CAVIN1: variants seen among roughly 807,000 people sequenced by gnomAD.
CAVIN1 encodes caveolae-associated protein 1.
In CAVIN1, 16 loss-of-function variants were observed where a neutral mutation model predicts 24.0. The observed-to-expected ratio is 0.67, with a 90% confidence interval of 0.45 to 1.01. The LOEUF (loss-of-function observed/expected upper bound fraction) is 1.01. Ranked by LOEUF, CAVIN1 falls within the 50% of genes least tolerant of loss-of-function variation. The probability of loss-of-function intolerance (pLI) is 0.00; values close to 1 mark genes in which losing one functional copy is unlikely to be tolerated. For missense variants in CAVIN1, 510 were observed against 551.7 expected, an observed-to-expected ratio of 0.92 and a Z score of 0.76; for synonymous variants, 256 against 256.4, an observed-to-expected ratio of 1.00 and a Z score of 0.02.
At chr17:42,411,194 A>AG (rs2085474829) in intron 1 of CAVIN1, among the ~76,000 whole-genome samples, 1 of 144,748 alleles carries the variant, frequency 6.9e-6, no homozygotes, top group Non-Finnish European at 1.5e-5. Context: ...CTATGTCTCA[A>AG]AAAAAAAAAA....
chr17:42,416,338 G>A (rs926255598), intron 1 of CAVIN1, among the ~76,000 whole-genome samples: 14 of 151,288 alleles, frequency 9.3e-5, no homozygotes, highest in African/African-American at 2.4e-4. Context: ...ACTGCACTCC[G>A]GCCTGGGTGA....
At position 42,404,843 on chromosome 17, in the gene CAVIN1, G is replaced by A. The variant is rs202034806; in HGVS notation, c.1017C>T (p.Thr339=). Residue 339 remains threonine, a synonymous_variant, in exon 2 of 2, where the codon ACC becomes ACT. Transcript: ENST00000357037. ...CGTCGGCGCCCACCTCCACCATCTC[G>A]GTGGCCTTGAGCACTTCCACCTGGC... ...REGQVEVLKA[T]EMVEVGADDD... is the part of the protein sequence containing the mutation. The A allele has an allele frequency of 6.2e-7, 1 of 1,613,614 alleles. No homozygotes were observed. The highest frequency in any genetic ancestry group is 1.7e-5 in the Admixed American group (1 of 59,962).
chr17:42,418,732 T>C (rs2085527706), intron 1 of CAVIN1, among the ~76,000 whole-genome samples: 1 of 152,188 alleles, frequency 6.6e-6, no homozygotes, highest in African/African-American at 2.4e-5. Flanking sequence ...ATTGGGATGT[T>C]CCTAACACAA....
chr17:42,423,177 G>C lies in CAVIN1; in HGVS notation c.-80C>G. 2 of 1,162,036 alleles carry C rather than the reference G, an allele frequency of 1.7e-6. No individual in the cohort carries two copies. The highest frequency in any genetic ancestry group is 3.1e-5 in the South Asian group (2 of 63,866). 72.0% of individuals were successfully genotyped at this position (1,162,036 alleles called of 1,614,324 possible). On this transcript the variant is annotated 5_prime_UTR_variant, in exon 1 of 2. Transcript: ENST00000357037. The stretch of plus-strand genomic sequence containing the variant: ...ACCCGGAGAGAAGCAGGAGCGGAAG[G>C]GAGGAGAGCTAGCGGGCGAGAGCGG...
At chr17:42,419,607 G>A (rs953142769) in intron 1 of CAVIN1, among the ~76,000 whole-genome samples, 34 of 152,166 alleles carry the variant, frequency 2.2e-4, no homozygotes, top group African/African-American at 7.7e-4. Flanking sequence ...CACCTAGCCC[G>A]GCCTCTGCAT....
intron 1 of CAVIN1, among the ~76,000 whole-genome samples, chr17:42,413,565 G>GAAAAAAA (rs2085493446): frequency 3.4e-4 from 21 of 62,592 alleles, no homozygotes; most frequent in African/African-American, 1.2e-3. Context: ...TCTCAAAAAG[G>GAAAAAAA]GAAAAAAAAA....
chr17:42,420,968 T>TA (rs1369202441), intron 1 of CAVIN1, among the ~76,000 whole-genome samples: 2 of 152,244 alleles, frequency 1.3e-5, no homozygotes, highest in South Asian at 2.1e-4. Flanking sequence ...GCAGGTCTCT[T>TA]AAAAAACGTC....
At chr17:42,419,159 T>G (rs918889020) in intron 1 of CAVIN1, among the ~76,000 whole-genome samples, 3 of 152,118 alleles carry the variant, frequency 2.0e-5, no homozygotes, top group African/African-American at 7.2e-5. Context: ...ACTGTGTCAC[T>G]GCACTCCAGC....
At chr17:42,417,162 T>C (rs1039233382) in intron 1 of CAVIN1, among the ~76,000 whole-genome samples, 1 of 152,064 alleles carries the variant, frequency 6.6e-6, no homozygotes, top group African/African-American at 2.4e-5. Context: ...TCCCATAAGA[T>C]TGTAATGGAG....
At chr17:42,413,565 G>GAAAA (rs2085493446) in intron 1 of CAVIN1, among the ~76,000 whole-genome samples, 4 of 62,600 alleles carry the variant, frequency 6.4e-5, no homozygotes, top group African/African-American at 2.3e-4. Context: ...TCTCAAAAAG[G>GAAAA]GAAAAAAAAA....
At chr17:42,405,836 C>G (rs1195292678) in intron 1 of CAVIN1, among the ~76,000 whole-genome samples, 1 of 151,838 alleles carries the variant, frequency 6.6e-6, no homozygotes, top group African/African-American at 2.4e-5. Context: ...TACAGGCGCC[C>G]GCCACCACGC....
rs1174032437 is a variant in CAVIN1 at position 42,402,531 on chromosome 17, T to G, written c.*2156A>C. ...GAGGTTCCCCAAGCCCACAGAAAAC[T>G]GCATCTGCCCACAGCTCAGGCCCCT... On this transcript the variant is annotated 3_prime_UTR_variant, in exon 2 of 2. Transcript: ENST00000357037. 1 of 152,216 alleles carries G rather than the reference T, an allele frequency of 6.6e-6. No homozygotes were observed. The highest frequency in any genetic ancestry group is 2.4e-5 in the African/African-American group (1 of 41,376). 9.4% of individuals were successfully genotyped at this position (152,216 alleles called of 1,614,324 possible).
Position 42,404,081 on chromosome 17 carries a change from A to T in CAVIN1, c.*606T>A, listed in dbSNP as rs1317166370. The T allele has an allele frequency of 6.5e-6, 1 of 153,088 alleles. No individual in the cohort carries two copies. The highest frequency in any genetic ancestry group is 1.5e-5 in the Non-Finnish European group (1 of 68,704). The allele number at this position is 153,088 out of a possible 1,614,324, so 9.5% of individuals were successfully genotyped here. On this transcript the variant is annotated 3_prime_UTR_variant, in exon 2 of 2. Transcript: ENST00000357037. ...CCTTCCCAGGGCTTCTCTTGGCTCC[A>T]GCGTTCCTCTGGGACCCTCTGCAGA...
intron 1 of CAVIN1, among the ~76,000 whole-genome samples, chr17:42,420,096 GC>G (rs1181545107): frequency 6.6e-6 from 1 of 151,802 alleles, no homozygotes; most frequent in Middle Eastern, 3.2e-3. Flanking sequence ...CGCCCCCACT[GC>G]CACATCATCA....
chr17:42,418,979 C>T (rs2085529053), intron 1 of CAVIN1, among the ~76,000 whole-genome samples: 1 of 152,026 alleles, frequency 6.6e-6, no homozygotes, highest in African/African-American at 2.4e-5. Flanking sequence ...ACTGTTTGAA[C>T]CCAGGAGTTT....
Position 42,423,178 on chromosome 17 carries a change from G to A in CAVIN1, c.-81C>T. ...CCCGGAGAGAAGCAGGAGCGGAAGG[G>A]AGGAGAGCTAGCGGGCGAGAGCGGA... On this transcript the variant is annotated 5_prime_UTR_variant, in exon 1 of 2. Transcript: ENST00000357037. 8.6e-7 allele frequency: 1 copy of A among 1,157,802 alleles called. No individual in the cohort carries two copies. The highest frequency in any genetic ancestry group is 1.2e-6 in the Non-Finnish European group (1 of 829,156). 71.7% of individuals were successfully genotyped at this position (1,157,802 alleles called of 1,614,324 possible). A position where few individuals can be genotyped will look rare whatever the true frequency, so the allele number is the denominator to read the frequency against.
At chr17:42,416,939 T>C (rs899662158) in intron 1 of CAVIN1, among the ~76,000 whole-genome samples, 31 of 152,188 alleles carry the variant, frequency 2.0e-4, no homozygotes, top group African/African-American at 7.2e-4. Flanking sequence ...GTTCCAGCCC[T>C]GGTGCCCTAC....
chr17:42,418,365 G>A (rs1271284491), intron 1 of CAVIN1, among the ~76,000 whole-genome samples: 2 of 151,696 alleles, frequency 1.3e-5, no homozygotes, highest in Non-Finnish European at 2.9e-5. Context: ...CTGAGTAGCT[G>A]GGATTACAGG....
intron 1 of CAVIN1, among the ~76,000 whole-genome samples, chr17:42,420,969 A>T (rs1302479183): frequency 1.3e-5 from 2 of 152,100 alleles, no homozygotes; most frequent in South Asian, 2.1e-4. Flanking sequence ...CAGGTCTCTT[A>T]AAAAACGTCA....
Sources: allele counts gnomAD v4.1 joint callset (sites outside exome capture counted in the v4.1 genomes callset), GRCh38; gene constraint gnomAD v4.1.1; transcripts MANE v1.5; gene names NCBI Gene and HGNC (gene_info 2026-07-23, HGNC 2026-07-21).